MDN1: variants seen among roughly 807,000 people sequenced by gnomAD.
MDN1 encodes the protein midasin AAA ATPase 1, also known as midasin.
Under a neutral mutation model 669.2 loss-of-function variants are expected in MDN1, and 266 were observed. The observed-to-expected ratio is 0.40, with a 90% CI of 0.36 to 0.44. MDN1 has a LOEUF of 0.44. Among genes scored for constraint, MDN1 ranks in the 20% least tolerant of loss-of-function variants. MDN1 has a pLI of 1.00. For synonymous variants in MDN1, 2,385 were observed against 2,457.1 expected, an observed-to-expected ratio of 0.97 and a Z score of 0.87; for missense variants, 5,940 against 6,754.0, an observed-to-expected ratio of 0.88 and a Z score of 4.22.
rs575009388 is a variant in MDN1, at chr6:89,710,097, C to T, written c.7765+584G>A. 1.6e-4 allele frequency among the ~76,000 whole-genome samples: 25 copies of T among 152,206 alleles called. No individual in the cohort carries two copies. The South Asian group carries it at 5.2e-3, about 32-fold the overall frequency. ...TTTATATTTTCCTAAATTAAATGAC[C>T]CTGTGTAACTTTCCTTTAAGTCAAA... is the stretch of plus-strand genomic sequence containing the variant. On this transcript the variant is annotated intron_variant, in intron 50 of 101. Transcript: ENST00000369393.
At chr6:89,805,034 C>CAAA (rs34538984) in intron 1 of MDN1, among the ~76,000 whole-genome samples, 7,210 of 58,424 alleles carry the variant, frequency 0.12, 927 homozygotes, top group East Asian at 0.21. Context: ...GACTCCGTCT[C>CAAA]AAAAAAAAAA....
rs145293582 is a variant in MDN1, at chr6:89,655,876, C to T, written c.15378G>A (p.Thr5126=). The change falls in exon 92 of 102, where the codon ACG becomes ACA. Residue 5126 remains threonine, a synonymous_variant. Coordinates refer to ENST00000369393, the MANE Select transcript of MDN1 (RefSeq NM_014611.3). ...CTGGCCCCTGCTCGGCATGGCTGTC[C>T]GTATCCACAGTCCTCAGCCTCTTGT... ...RVHKRLRTVD[T]DSHAEQGPAQ... 185 of 1,613,976 alleles carry T rather than the reference C, an allele frequency of 1.1e-4. No individual in the cohort carries two copies. Among genetic ancestry groups the T allele is most frequent in the Middle Eastern group, 4.9e-4 (3 of 6,082 alleles).
At chr6:89,740,747 G>A (rs1275536533) in intron 31 of MDN1, among the ~76,000 whole-genome samples, 1 of 152,014 alleles carries the variant, frequency 6.6e-6, no homozygotes, top group Admixed American at 6.6e-5. Context: ...AATACTATTC[G>A]GGACAAAAAG....
intron 60 of MDN1, 129 bp from the exon 61 acceptor site, chr6:89,696,121 G>C: frequency 7.7e-7 from 1 of 1,307,060 alleles, no homozygotes; most frequent in Non-Finnish European, 1.1e-6. Context: ...GTGAATTTCT[G>C]TTCTCACATG....
intron 73 of MDN1, among the ~76,000 whole-genome samples, chr6:89,682,663 G>A (rs760125199): frequency 9.3e-5 from 13 of 140,378 alleles, no homozygotes; most frequent in South Asian, 2.4e-4. Context: ...AGCCGAGATC[G>A]TGCCACTGCA....
intron 50 of MDN1, 39 bp from the exon 51 acceptor site, chr6:89,708,667 T>C (rs983860939): frequency 1.3e-6 from 2 of 1,598,734 alleles, no homozygotes; most frequent in Non-Finnish European, 8.5e-7. Context: ...TCAGAAATAT[T>C]GGAGAAACTC....
chr6:89,791,472 A>G (rs1819264644), intron 5 of MDN1, among the ~76,000 whole-genome samples: 2 of 152,186 alleles, frequency 1.3e-5, no homozygotes, highest in Admixed American at 1.3e-4. Context: ...GCTTCTAAGT[A>G]ATATAATGTG....
intron 69 of MDN1, 137 bp from the exon 70 acceptor site, chr6:89,686,110 C>T: frequency 1.2e-6 from 1 of 826,706 alleles, no homozygotes; most frequent in Non-Finnish European, 1.8e-6. Context: ...AAGCAAGGAC[C>T]ATGGCTAAAT....
intron 9 of MDN1, among the ~76,000 whole-genome samples, chr6:89,782,604 A>AAATAAT (rs58697438): frequency 8.3e-4 from 120 of 144,194 alleles, no homozygotes; most frequent in South Asian, 2.9e-3. Context: ...TTTCCTCAAA[A>AAATAAT]AATAATAATA....
intron 1 of MDN1, among the ~76,000 whole-genome samples, chr6:89,805,386 A>G (rs1767950441): frequency 6.6e-6 from 1 of 152,144 alleles, no homozygotes; most frequent in African/African-American, 2.4e-5. Context: ...TACAAAAAAT[A>G]GAAAAATTAG....
chr6:89,663,059 G>T, intron 85 of MDN1, 92 bp from the exon 86 acceptor site: 1 of 1,417,666 alleles, frequency 7.1e-7, no homozygotes, highest in Non-Finnish European at 9.8e-7. Context: ...CCTAGCAAGG[G>T]CCCCACCTGA....
chr6:89,677,092 T>C (rs571852654), intron 76 of MDN1, among the ~76,000 whole-genome samples: 1 of 143,986 alleles, frequency 6.9e-6, no homozygotes, highest in Non-Finnish European at 1.5e-5. Context: ...AGAAAATAAA[T>C]GTTTTTTTTC....
chr6:89,653,405 T>C (rs1473409786), intron 93 of MDN1, among the ~76,000 whole-genome samples: 1 of 152,198 alleles, frequency 6.6e-6, no homozygotes, highest in African/African-American at 2.4e-5. Context: ...AGGGGAAATT[T>C]TGGGTTGTCC....
intron 40 of MDN1, among the ~76,000 whole-genome samples, chr6:89,722,381 G>A (rs1397161700): frequency 1.3e-5 from 2 of 152,312 alleles, no homozygotes; most frequent in Middle Eastern, 3.4e-3. Context: ...TAAAGATGGT[G>A]AAGACTTAGT....
chr6:89,722,895 C>A, intron 40 of MDN1, 60 bp downstream of exon 40: 1 of 1,457,386 alleles, frequency 6.9e-7, no homozygotes, highest in Non-Finnish European at 9.3e-7. Flanking sequence ...TGTCCTTTCT[C>A]ACCCACAGGA....
chr6:89,762,674 C>T (rs931141912), intron 15 of MDN1, 144 bp from the exon 16 acceptor site: 8 of 648,372 alleles, frequency 1.2e-5, no homozygotes, highest in Non-Finnish European at 2.1e-5. Flanking sequence ...ATCTACGTTA[C>T]AGTTTTAAAT....
intron 88 of MDN1, among the ~76,000 whole-genome samples, chr6:89,659,140 G>T (rs1447506716): frequency 6.6e-6 from 1 of 152,218 alleles, no homozygotes; most frequent in African/African-American, 2.4e-5. Context: ...ACTTTGGGAG[G>T]CTGAGACAGA....
Position 89,749,351 on chromosome 6 carries a change from T to C in MDN1, c.3634A>G (p.Arg1212Gly). Residue 1212 changes from arginine (R) to glycine (G), a missense_variant, in exon 26 of 102, where the codon AGG becomes GGG. By Grantham distance (125) the Arg-to-Gly change is moderately radical. Transcript: ENST00000369393. ...GGRKVLSRAF[R>G]NRFVELHFDE... ...AAGTGCAATTCCACAAACCGATTCC[T>C]GAAGGCTCTAGAAAGGACCTAGACA... The C allele has an allele frequency of 1.2e-5, 19 of 1,614,134 alleles. No homozygotes were observed. Among genetic ancestry groups the C allele is most frequent in the Non-Finnish European group, 1.5e-5 (18 of 1,180,012 alleles).
At position 89,762,983 on chromosome 6, in the gene MDN1, T is replaced by C. The variant is rs564047517; in HGVS notation, c.2145-453A>G. Among the ~76,000 whole-genome samples, 14 of 152,058 alleles carry C rather than the reference T, an allele frequency of 9.2e-5. No homozygotes were observed. The South Asian group carries it at 2.9e-3, about 32-fold the overall frequency. ...AGGTGGGAGGCTTGAGCCCAGGAAGTAGAGGTTGCAGTAAGCCAAGAACAC... is the reference window on the plus strand; with the variant it reads ...AGGTGGGAGGCTTGAGCCCAGGAAGCAGAGGTTGCAGTAAGCCAAGAACAC... On this transcript the variant is annotated intron_variant, in intron 15 of 101. Transcript: ENST00000369393.
Sources: allele counts gnomAD v4.1 joint callset (sites outside exome capture counted in the v4.1 genomes callset), GRCh38; gene constraint gnomAD v4.1.1; transcripts MANE v1.5; gene names NCBI Gene and HGNC (gene_info 2026-07-23, HGNC 2026-07-21).